The following LRP1B variants were observed in gnomAD, a reference collection of about 807,000 sequenced individuals.
LRP1B encodes the protein low-density lipoprotein receptor-related protein 1B.
Under a neutral mutation model 556.6 loss-of-function variants are expected in LRP1B, and 217 were observed. The ratio of observed to expected loss-of-function variants is 0.39; its 90% CI spans 0.35 to 0.44. LRP1B has a LOEUF of 0.44. Ranked by LOEUF, LRP1B falls within the 20% of genes least tolerant of loss-of-function variation. The pLI is 1.00. For synonymous variants in LRP1B, 2,047 were observed against 1,865.8 expected, an observed-to-expected ratio of 1.10 and a Z score of -2.50; for missense variants, 5,053 against 5,620.8, an observed-to-expected ratio of 0.90 and a Z score of 3.23.
intron 2 of LRP1B, among the ~76,000 whole-genome samples, chr2:141,670,743 T>A (rs779647325): frequency 6.6e-6 from 1 of 152,222 alleles, no homozygotes; most frequent in African/African-American, 2.4e-5. Context: ...ATCCTTAACT[T>A]TGGAACTTTT....
intron 7 of LRP1B, among the ~76,000 whole-genome samples, chr2:141,149,985 A>T (rs969632685): frequency 6.6e-6 from 1 of 152,080 alleles, no homozygotes; most frequent in Admixed American, 6.6e-5. Flanking sequence ...AGGTTTTTTG[A>T]ATAGTTGGAA....
intron 51 of LRP1B, among the ~76,000 whole-genome samples, chr2:140,510,351 G>T (rs1574021029): frequency 6.6e-6 from 1 of 152,108 alleles, no homozygotes; most frequent in South Asian, 2.1e-4. Context: ...ATAGAATTGT[G>T]AATACACTGA....
chr2:140,525,196 A>G (rs115333834), intron 49 of LRP1B, among the ~76,000 whole-genome samples: 4 of 151,996 alleles, frequency 2.6e-5, no homozygotes, highest in Non-Finnish European at 5.9e-5. Context: ...ATAGTGTCCT[A>G]TATAGAATCT....
At chr2:140,629,223 C>CTT (rs111850159) in intron 41 of LRP1B, among the ~76,000 whole-genome samples, 14 of 133,806 alleles carry the variant, frequency 1.0e-4, no homozygotes, top group African/African-American at 1.9e-4. Context: ...CCAGCTAATT[C>CTT]TTTTTTTTTT....
At chr2:141,040,954 A>G (rs1698680151) in intron 11 of LRP1B, among the ~76,000 whole-genome samples, 2 of 152,096 alleles carry the variant, frequency 1.3e-5, no homozygotes, top group South Asian at 2.1e-4. Flanking sequence ...TCTCTTCATA[A>G]TGTCATAAAA....
chr2:140,332,081 T>G (rs1680846040), intron 79 of LRP1B, among the ~76,000 whole-genome samples: 1 of 152,038 alleles, frequency 6.6e-6, no homozygotes, highest in Admixed American at 6.6e-5. Flanking sequence ...AATAATCCCT[T>G]GAGATTCAAA....
chr2:140,350,617 T>G (rs1187828395), intron 77 of LRP1B, among the ~76,000 whole-genome samples, 180 bp downstream of exon 77: 1 of 151,958 alleles, frequency 6.6e-6, no homozygotes, highest in Non-Finnish European at 1.5e-5. Flanking sequence ...GCAACTAAAA[T>G]AAATCATGTA....
intron 2 of LRP1B, among the ~76,000 whole-genome samples, chr2:141,792,582 C>T (rs2105665343): frequency 6.6e-6 from 1 of 152,106 alleles, no homozygotes; most frequent in African/African-American, 2.4e-5. Context: ...GAGTTAGCTA[C>T]TTTCCTAATC....
At chr2:141,510,588 C>A (rs1684093955) in intron 2 of LRP1B, among the ~76,000 whole-genome samples, 1 of 151,800 alleles carries the variant, frequency 6.6e-6, no homozygotes, top group Non-Finnish European at 1.5e-5. Context: ...ATCTAAAGTC[C>A]TTCCCCTATT....
chr2:141,771,704 G>T (rs963394127), intron 2 of LRP1B, among the ~76,000 whole-genome samples: 1 of 152,014 alleles, frequency 6.6e-6, no homozygotes, highest in East Asian at 1.9e-4. Context: ...TTGAAAGTGG[G>T]GACTATAGAA....
chr2:140,717,636 G>C (rs1462917308), intron 35 of LRP1B, among the ~76,000 whole-genome samples: 1 of 152,124 alleles, frequency 6.6e-6, no homozygotes. Flanking sequence ...CACTGGGGAA[G>C]AATCATTAAA....
At chr2:140,543,037 C>T (rs1680195770) in intron 43 of LRP1B, among the ~76,000 whole-genome samples, 1 of 152,076 alleles carries the variant, frequency 6.6e-6, no homozygotes, top group South Asian at 2.1e-4. Context: ...GCAGGGTCTG[C>T]CTTAGCAGTG....
chr2:141,133,428 A>G (rs1701412514), intron 7 of LRP1B, among the ~76,000 whole-genome samples: 1 of 151,896 alleles, frequency 6.6e-6, no homozygotes, highest in Non-Finnish European at 1.5e-5. Context: ...TAAGATTCGG[A>G]GACTTATTGG....
intron 25 of LRP1B, among the ~76,000 whole-genome samples, chr2:140,869,336 A>T (rs866123762): frequency 8.5e-5 from 13 of 152,104 alleles, no homozygotes; most frequent in African/African-American, 3.1e-4. Context: ...AAAGAGCTGT[A>T]ATGCTCCTGC....
At chr2:141,717,681 G>A (rs1692657329) in intron 2 of LRP1B, among the ~76,000 whole-genome samples, 1 of 152,138 alleles carries the variant, frequency 6.6e-6, no homozygotes, top group Non-Finnish European at 1.5e-5. Context: ...CCCCAGTCAT[G>A]GGACATTTGT....
At chr2:141,153,089 A>C (rs1701964809) in intron 7 of LRP1B, among the ~76,000 whole-genome samples, 1 of 149,268 alleles carries the variant, frequency 6.7e-6, no homozygotes, top group South Asian at 2.1e-4. Context: ...ACTACAATTT[A>C]AATGGTGGCA....
chr2:140,493,107 T>C (rs1688772258), intron 56 of LRP1B, among the ~76,000 whole-genome samples: 2 of 152,142 alleles, frequency 1.3e-5, no homozygotes, highest in African/African-American at 4.8e-5. Flanking sequence ...TGGCTAATGC[T>C]CTCAGGATGA....
intron 3 of LRP1B, among the ~76,000 whole-genome samples, chr2:141,427,462 T>G (rs1407898438): frequency 6.6e-6 from 1 of 152,212 alleles, no homozygotes; most frequent in Non-Finnish European, 1.5e-5. Context: ...GTCAGAGGAC[T>G]TCAAAGTTTA....
chr2:141,602,125 A>G (rs1444266283), intron 2 of LRP1B, among the ~76,000 whole-genome samples: 1 of 152,086 alleles, frequency 6.6e-6, no homozygotes, highest in African/African-American at 2.4e-5. Context: ...GTATCCGTGG[A>G]AGTTGAATTA....
Sources: gnomAD v4.1 joint callset for allele counts (sites outside exome capture counted in the v4.1 genomes callset) on GRCh38, gnomAD v4.1.1 for gene constraint, MANE v1.5 for transcripts, NCBI Gene and HGNC (gene_info 2026-07-23, HGNC 2026-07-21) for gene names.